The following ASTN1 variants were observed in gnomAD, a reference collection of about 807,000 sequenced individuals.
The protein encoded by ASTN1 is astrotactin 1.
ASTN1 carries 41 observed loss-of-function variants against 140.7 expected under a neutral mutation model. That is an observed-to-expected ratio of 0.29 (90% CI 0.23 to 0.38). The LOEUF is 0.38. Among genes scored for constraint, ASTN1 ranks in the 10% least tolerant of loss-of-function variants. The pLI, the probability that ASTN1 is intolerant of heterozygous loss-of-function variation, is 1.00. For missense variants in ASTN1, 1,479 were observed against 1,678.8 expected, an observed-to-expected ratio of 0.88 and a Z score of 2.08; for synonymous variants, 640 against 652.2, an observed-to-expected ratio of 0.98 and a Z score of 0.29.
intron 8 of ASTN1, among the ~76,000 whole-genome samples, chr1:176,995,223 C>A (rs1674381078): frequency 1.3e-5 from 2 of 152,174 alleles, no homozygotes; most frequent in African/African-American, 4.8e-5. Flanking sequence ...AAATAAGACA[C>A]AGCCCTGAAC....
intron 16 of ASTN1, among the ~76,000 whole-genome samples, chr1:176,931,010 C>A (rs1012556539): frequency 2.0e-5 from 3 of 151,904 alleles, no homozygotes; most frequent in African/African-American, 7.3e-5. Context: ...GGATGGGCGC[C>A]GGCACGCAGG....
At chr1:176,869,778 G>A (rs1668264628) in intron 21 of ASTN1, among the ~76,000 whole-genome samples, 1 of 152,162 alleles carries the variant, frequency 6.6e-6, no homozygotes, top group Admixed American at 6.5e-5. Flanking sequence ...CAGGGTTCCT[G>A]CCAAAGTAGC....
rs531111802 is a variant in ASTN1 at position 177,068,863 on chromosome 1, C to T, written c.284-7598G>A. On this transcript the variant is annotated intron_variant, in intron 1 of 22. Coordinates refer to ENST00000361833, the MANE Select transcript of ASTN1 (RefSeq NM_004319.3). ...GAGATAGGATCTCACTCCAGTGCCC[C>T]GCTGGAGTGCAGTGGCATGATCTCA... Among the ~76,000 whole-genome samples the T allele has an allele frequency of 7.3e-5, 11 of 150,046 alleles. No individual in the cohort carries two copies. The East Asian group carries it at 7.8e-4, about 11-fold the overall frequency.
At chr1:176,944,374 C>T (rs1275320637) in intron 13 of ASTN1, among the ~76,000 whole-genome samples, 1 of 152,204 alleles carries the variant, frequency 6.6e-6, no homozygotes, top group East Asian at 1.9e-4. Context: ...ATCCTCCCAC[C>T]TCAGCCTCCC....
At chr1:177,084,506 G>A (rs577590823) in intron 1 of ASTN1, among the ~76,000 whole-genome samples, 7 of 152,248 alleles carry the variant, frequency 4.6e-5, no homozygotes, top group African/African-American at 1.4e-4. Flanking sequence ...TAAAAAAGGT[G>A]AACTCTGTTA....
chr1:176,887,589 AT>A (rs578250046), intron 18 of ASTN1, among the ~76,000 whole-genome samples: 11 of 151,196 alleles, frequency 7.3e-5, no homozygotes, highest in East Asian at 1.9e-4. Context: ...ATTTGAATGC[AT>A]TTTTTTTTGT....
intron 11 of ASTN1, among the ~76,000 whole-genome samples, chr1:176,952,031 C>T (rs1672210837): frequency 6.6e-6 from 1 of 152,096 alleles, no homozygotes; most frequent in Admixed American, 6.5e-5. Flanking sequence ...GATTGTCTGT[C>T]CTGAAAGCAT....
At chr1:177,162,346 C>T (rs1647429111) in intron 1 of ASTN1, among the ~76,000 whole-genome samples, 1 of 152,190 alleles carries the variant, frequency 6.6e-6, no homozygotes, top group Non-Finnish European at 1.5e-5. Context: ...ACCCCACTGA[C>T]TGGGAGAGTG....
chr1:177,044,647 C>G (rs749109557), intron 2 of ASTN1, among the ~76,000 whole-genome samples: 1 of 152,174 alleles, frequency 6.6e-6, no homozygotes, highest in East Asian at 1.9e-4. Context: ...ATGAGTGGCT[C>G]GATCATGCAG....
At chr1:177,019,774 C>T (rs2101949079) in intron 7 of ASTN1, among the ~76,000 whole-genome samples, 1 of 152,328 alleles carries the variant, frequency 6.6e-6, no homozygotes, top group South Asian at 2.1e-4. Flanking sequence ...AGCTCCAGTT[C>T]TTCCATAGAT....
At chr1:177,089,221 A>G (rs768829791) in intron 1 of ASTN1, among the ~76,000 whole-genome samples, 1 of 152,180 alleles carries the variant, frequency 6.6e-6, no homozygotes, top group Admixed American at 6.5e-5. Flanking sequence ...GATGTATCAG[A>G]TGCCAAGAGT....
chr1:177,034,118 T>C (rs190644009), intron 2 of ASTN1, among the ~76,000 whole-genome samples: 2 of 152,220 alleles, frequency 1.3e-5, no homozygotes, highest in East Asian at 3.9e-4. Context: ...GTCAAGAGTA[T>C]GCCTCCAAAT....
At chr1:176,937,486 T>A (rs1217344979) in intron 14 of ASTN1, among the ~76,000 whole-genome samples, 1 of 152,168 alleles carries the variant, frequency 6.6e-6, no homozygotes, top group Non-Finnish European at 1.5e-5. Flanking sequence ...ATGTTATTAA[T>A]GGGCTATTCT....
chr1:176,879,266 C>T (rs1668690023), intron 20 of ASTN1, among the ~76,000 whole-genome samples: 1 of 152,176 alleles, frequency 6.6e-6, no homozygotes, highest in African/African-American at 2.4e-5. Context: ...AGTGCCCCAT[C>T]CCCTGTCATT....
rs1289606809 is a variant in ASTN1 at position 177,164,622 on chromosome 1, C to G, written c.55G>C (p.Val19Leu). ...LLACCWGPAA[V>L]LATAAGDVDP... is the part of the protein sequence containing the mutation. The stretch of plus-strand genomic sequence containing the variant: ...ACGTCGCCGGCGGCCGTGGCCAGCA[C>G]CGCCGCCGGCCCCCAGCAGCAGGCG... Residue 19 changes from valine (V) to leucine (L), a missense_variant, in exon 1 of 23, where the codon GTG becomes CTG. Val to Leu is a conservative substitution (Grantham distance 32). Transcript: ENST00000361833. The G allele has an allele frequency of 1.2e-6, 2 of 1,608,484 alleles. No homozygotes were observed. Among genetic ancestry groups the G allele is most frequent in the Non-Finnish European group, 1.7e-6 (2 of 1,177,658 alleles).
At chr1:177,094,443 T>A (rs1452719361) in intron 1 of ASTN1, among the ~76,000 whole-genome samples, 1 of 152,206 alleles carries the variant, frequency 6.6e-6, no homozygotes, top group Non-Finnish European at 1.5e-5. Context: ...TGCTTTGGGC[T>A]TAGGATTAGT....
intron 5 of ASTN1, among the ~76,000 whole-genome samples, chr1:177,027,032 G>T (rs1301564588): frequency 6.6e-6 from 1 of 152,096 alleles, no homozygotes; most frequent in Non-Finnish European, 1.5e-5. Flanking sequence ...CCACAAACCT[G>T]CACCCTAAGC....
At chr1:177,034,817 T>C (rs2101981957) in intron 2 of ASTN1, among the ~76,000 whole-genome samples, 1 of 152,376 alleles carries the variant, frequency 6.6e-6, no homozygotes, top group Admixed American at 6.5e-5. Flanking sequence ...AGAGAAGTTG[T>C]CAGACATTGA....
chr1:177,139,171 TAA>T (rs111811132), intron 1 of ASTN1, among the ~76,000 whole-genome samples: 1 of 151,832 alleles, frequency 6.6e-6, no homozygotes, highest in African/African-American at 2.4e-5. Flanking sequence ...ACAAGGGTGC[TAA>T]AAAAAAGATA....
Sources: gnomAD v4.1 joint callset for allele counts (sites outside exome capture counted in the v4.1 genomes callset) on GRCh38, gnomAD v4.1.1 for gene constraint, MANE v1.5 for transcripts, NCBI Gene and HGNC (gene_info 2026-07-23, HGNC 2026-07-21) for gene names.